Variants in PPIL6 observed in about 807,000 individuals in gnomAD.
The protein encoded by PPIL6 is probable inactive peptidyl-prolyl cis-trans isomerase-like 6.
PPIL6 carries 39 observed loss-of-function variants against 36.8 expected under a neutral mutation model. The observed-to-expected ratio is 1.06, with a 90% confidence interval of 0.82 to 1.38. The LOEUF (loss-of-function observed/expected upper bound fraction) is 1.38. Among genes scored for constraint, PPIL6 ranks in the 40% most tolerant of loss-of-function variants. The pLI is 0.00. For missense variants in PPIL6, 368 were observed against 379.1 expected (o/e 0.97, Z 0.24); for synonymous variants, 123 against 134.1 (o/e 0.92, Z 0.57).
chr6:109,426,260 A>G lies in PPIL6; in HGVS notation c.631+587T>C, dbSNP rs1773808410. ...GCAAATTTCCTTTGACACTAAGCCAATTATGTGTAAATTACTGCCTGGTTG... is the reference window on the plus strand; with the variant it reads ...GCAAATTTCCTTTGACACTAAGCCAGTTATGTGTAAATTACTGCCTGGTTG... On this transcript the variant is annotated intron_variant, in intron 5 of 7. Transcript: ENST00000521072. 2.0e-5 allele frequency among the ~76,000 whole-genome samples: 3 copies of G among 152,182 alleles called. No individual in the cohort carries two copies. The South Asian group carries it at 6.2e-4, about 32-fold the overall frequency.
rs143852681 is a variant in PPIL6 at position 109,410,258 on chromosome 6, C to G, written c.688+8929G>C. On this transcript the variant is annotated intron_variant, in intron 6 of 7. Transcript: ENST00000521072. ...GCTTTAGCCAAGCTCCTGGGAAACA[C>G]CTCTTTTGTCCTTGTTGGGTGTAGA... Among the ~76,000 whole-genome samples, 175 of 152,322 alleles carry G rather than the reference C, an allele frequency of 1.1e-3. 1 individual carries two copies. Among genetic ancestry groups the G allele is most frequent in the Middle Eastern group, 3.4e-3 (1 of 294 alleles).
At chr6:109,405,075 TCTTTTCATAAC>T (rs1409261579) in intron 6 of PPIL6, 1 of 396,518 alleles carries the variant, frequency 2.5e-6, no homozygotes, top group Non-Finnish European at 4.9e-6. Context: ...AAAAAAGATA[TCTTTTCATAAC>T]CTTTTCATTT....
At chr6:109,436,065 C>T in intron 2 of PPIL6, 39 bp downstream of exon 2, 1 of 1,097,758 alleles carries the variant, frequency 9.1e-7, no homozygotes, top group Non-Finnish European at 1.4e-6. Flanking sequence ...CAAAACTTGG[C>T]TTGTTGTCTA....
At chr6:109,416,115 T>C (rs561147812) in intron 6 of PPIL6, among the ~76,000 whole-genome samples, 18 of 152,214 alleles carry the variant, frequency 1.2e-4, no homozygotes, top group African/African-American at 2.2e-4. Context: ...CCCAACTGCA[T>C]TGGCACACAA....
chr6:109,434,780 A>G (rs1473172125), intron 2 of PPIL6, among the ~76,000 whole-genome samples: 2 of 152,176 alleles, frequency 1.3e-5, no homozygotes, highest in African/African-American at 4.8e-5. Context: ...ACCATCTACA[A>G]GACTAGGCCA....
chr6:109,422,557 T>C (rs1157105075), intron 5 of PPIL6, among the ~76,000 whole-genome samples: 1 of 152,080 alleles, frequency 6.6e-6, no homozygotes, highest in Non-Finnish European at 1.5e-5. Flanking sequence ...GCCACTGCAC[T>C]CAGCCTGAGC....
At chr6:109,422,417 C>T (rs1159020799) in intron 5 of PPIL6, among the ~76,000 whole-genome samples, 1 of 152,132 alleles carries the variant, frequency 6.6e-6, no homozygotes, top group Non-Finnish European at 1.5e-5. Flanking sequence ...CATACAGAGA[C>T]CCTGTCTTTA....
intron 6 of PPIL6, among the ~76,000 whole-genome samples, chr6:109,415,163 G>A (rs1307233536): frequency 6.6e-6 from 1 of 152,134 alleles, no homozygotes; most frequent in East Asian, 1.9e-4. Flanking sequence ...CACACTCAGT[G>A]TTAACTTTAC....
intron 1 of PPIL6, 158 bp downstream of exon 1, chr6:109,440,298 T>C: frequency 2.1e-6 from 2 of 956,570 alleles, no homozygotes; most frequent in Non-Finnish European, 3.2e-6. Context: ...CTCCCGGTCC[T>C]CCAGACGGAG....
intron 6 of PPIL6, among the ~76,000 whole-genome samples, chr6:109,414,812 C>G (rs1356773522): frequency 6.6e-6 from 1 of 152,104 alleles, no homozygotes; most frequent in African/African-American, 2.4e-5. Flanking sequence ...CCACATATAA[C>G]TTTTGACTCC....
intron 1 of PPIL6, among the ~76,000 whole-genome samples, chr6:109,439,156 G>A (rs1412024142): frequency 6.6e-6 from 1 of 151,990 alleles, no homozygotes; most frequent in Admixed American, 6.6e-5. Flanking sequence ...GAAAATATGT[G>A]CCTTCAGAAA....
chr6:109,412,607 C>G (rs550803790), intron 6 of PPIL6, among the ~76,000 whole-genome samples: 1 of 152,256 alleles, frequency 6.6e-6, no homozygotes, highest in Non-Finnish European at 1.5e-5. Flanking sequence ...AGTGAACTCA[C>G]TTTCAACAAA....
In PPIL6 at chr6:109,392,861, A is replaced by G; in HGVS notation, c.901T>C (p.Cys301Arg). Residue 301 changes from cysteine to arginine, a missense_variant, in exon 8 of 8, where the codon TGT (cysteine) becomes CGT (arginine). Transcript: ENST00000521072. ...PTQNERPIHM[C>R]RITDSGDPYA ...GGATCTCCACTGTCAGTAATTCTAC[A>G]CATATGTATTGGTCTTTCATTCTGT... 6.3e-7 allele frequency: 1 copy of G among 1,594,672 alleles called. No individual in the cohort carries two copies. The highest frequency in any genetic ancestry group is 8.6e-7 in the Non-Finnish European group (1 of 1,164,922).
intron 6 of PPIL6, among the ~76,000 whole-genome samples, chr6:109,415,120 G>A (rs116588629): frequency 3.6e-3 from 549 of 152,226 alleles, no homozygotes; most frequent in African/African-American, 0.011. Flanking sequence ...GCAGAGAGGT[G>A]GACGAGGTAG....
At chr6:109,410,806 G>T (rs1334962463) in intron 6 of PPIL6, among the ~76,000 whole-genome samples, 1 of 152,138 alleles carries the variant, frequency 6.6e-6, no homozygotes, top group African/African-American at 2.4e-5. Context: ...GGTGCCTTCT[G>T]GATCAGAACA....
At chr6:109,395,382 G>A (rs1192135278) in intron 7 of PPIL6, among the ~76,000 whole-genome samples, 1 of 151,626 alleles carries the variant, frequency 6.6e-6, no homozygotes, top group Non-Finnish European at 1.5e-5. Context: ...ACTCCAGCCT[G>A]GGTGACAGAG....
At chr6:109,418,548 C>CT (rs796535898) in intron 6 of PPIL6, among the ~76,000 whole-genome samples, 306 of 135,894 alleles carry the variant, frequency 2.3e-3, no homozygotes, top group Middle Eastern at 3.8e-3. Context: ...ATCTTTTTTT[C>CT]TTTTTTTTTT....
At chr6:109,434,329 G>C (rs1032212963) in intron 2 of PPIL6, among the ~76,000 whole-genome samples, 1 of 152,174 alleles carries the variant, frequency 6.6e-6, no homozygotes, top group Non-Finnish European at 1.5e-5. Flanking sequence ...GCCAAGGTAG[G>C]AGGGTTGCTT....
chr6:109,417,729 C>A (rs900874681), intron 6 of PPIL6, among the ~76,000 whole-genome samples: 11 of 152,212 alleles, frequency 7.2e-5, no homozygotes, highest in African/African-American at 2.7e-4. Context: ...ACAAAAGCCA[C>A]AACCTTGCAT....
Sources: gnomAD v4.1 joint callset for allele counts (sites outside exome capture counted in the v4.1 genomes callset) on GRCh38, gnomAD v4.1.1 for gene constraint, MANE v1.5 for transcripts, NCBI Gene and HGNC (gene_info 2026-07-23, HGNC 2026-07-21) for gene names.